Variants in LARGE1 observed in about 807,000 individuals in gnomAD.
The protein encoded by LARGE1 is LARGE xylosyl- and glucuronyltransferase 1.
Under a neutral mutation model 87.6 loss-of-function variants are expected in LARGE1, and 43 were observed. The observed-to-expected ratio is 0.49, with a 90% confidence interval of 0.38 to 0.63. The LOEUF (loss-of-function observed/expected upper bound fraction) is 0.63, where lower values mean the gene tolerates loss of function less well. LARGE1 is among the 30% of genes least tolerant of loss of function. LARGE1 has a pLI of 0.00. For missense variants in LARGE1, 802 were observed against 1,000.2 expected (o/e 0.80, Z 2.67); for synonymous variants, 434 against 394.6 (o/e 1.10, Z -1.18).
At chr22:33,625,450 G>T (rs572622730) in intron 4 of LARGE1, among the ~76,000 whole-genome samples, 45 of 152,300 alleles carry the variant, frequency 3.0e-4, no homozygotes, top group Non-Finnish European at 6.0e-4. Flanking sequence ...TCCCATGGGG[G>T]TCCACGAGAG....
At chr22:33,492,356 T>C (rs1369749388) in intron 6 of LARGE1, among the ~76,000 whole-genome samples, 1 of 152,172 alleles carries the variant, frequency 6.6e-6, no homozygotes, top group African/African-American at 2.4e-5. Context: ...AGTGACACTT[T>C]TGCGTCTTTC....
chr22:33,696,607 C>T (rs1350058053), intron 2 of LARGE1, among the ~76,000 whole-genome samples: 1 of 152,218 alleles, frequency 6.6e-6, no homozygotes, highest in South Asian at 2.1e-4. Context: ...CATTTATATT[C>T]CCACCAGTAA....
At chr22:33,553,396 G>A (rs973224173) in intron 6 of LARGE1, among the ~76,000 whole-genome samples, 2 of 152,014 alleles carry the variant, frequency 1.3e-5, no homozygotes, top group African/African-American at 4.8e-5. Context: ...CATGCCTACA[G>A]TCCCAACTAC....
chr22:33,144,017 T>C, the LARGE1 span, among the ~76,000 whole-genome samples: 1 of 152,224 alleles, frequency 6.6e-6, no homozygotes, highest in African/African-American at 2.4e-5. Flanking sequence ...TGTATTTTGT[T>C]TGACTATCCG....
At chr22:33,395,709 C>T (rs1411161914) in intron 7 of LARGE1, among the ~76,000 whole-genome samples, 1 of 152,098 alleles carries the variant, frequency 6.6e-6, no homozygotes, top group Non-Finnish European at 1.5e-5. Flanking sequence ...CTGGATGACT[C>T]CTTTGAATGA....
At chr22:33,836,027 T>C (rs1055796356) in intron 1 of LARGE1, among the ~76,000 whole-genome samples, 1 of 152,234 alleles carries the variant, frequency 6.6e-6, no homozygotes, top group African/African-American at 2.4e-5. Context: ...TCTGTGTGCA[T>C]ACATGTACAC....
intron 3 of LARGE1, among the ~76,000 whole-genome samples, chr22:33,646,466 G>A (rs577864318): frequency 6.6e-6 from 1 of 152,124 alleles, no homozygotes; most frequent in East Asian, 1.9e-4. Context: ...AGAGCACTAG[G>A]ACAAATACCT....
the LARGE1 span, among the ~76,000 whole-genome samples, chr22:33,155,196 CA>C: frequency 6.6e-6 from 1 of 152,082 alleles, no homozygotes; most frequent in Non-Finnish European, 1.5e-5. Context: ...AAAAGATACC[CA>C]AAAATGTGGA....
intron 3 of LARGE1, among the ~76,000 whole-genome samples, chr22:33,635,685 G>C (rs758078055): frequency 3.3e-5 from 5 of 152,128 alleles, no homozygotes; most frequent in African/African-American, 7.2e-5. Context: ...ACAAAGTGAC[G>C]GGTTGAATTC....
intron 1 of LARGE1, among the ~76,000 whole-genome samples, chr22:33,913,328 G>A (rs2065691205): frequency 6.6e-6 from 1 of 152,184 alleles, no homozygotes; most frequent in East Asian, 1.9e-4. Context: ...ACTTATGAAG[G>A]TGGGTAGGTG....
the LARGE1 span, among the ~76,000 whole-genome samples, chr22:33,071,077 C>T: frequency 3.3e-5 from 5 of 152,146 alleles, no homozygotes; most frequent in African/African-American, 1.2e-4. Context: ...TGAACGCTAC[C>T]TCCTACCCTT....
At chr22:33,473,630 A>C (rs1003281481) in intron 6 of LARGE1, among the ~76,000 whole-genome samples, 1 of 152,150 alleles carries the variant, frequency 6.6e-6, no homozygotes, top group African/African-American at 2.4e-5. Context: ...TTTTTAGTAG[A>C]GGTGGGGTTT....
At chr22:33,144,087 G>A in the LARGE1 span, among the ~76,000 whole-genome samples, 1 of 151,870 alleles carries the variant, frequency 6.6e-6, no homozygotes, top group Admixed American at 6.6e-5. Context: ...CTTGTCCTAT[G>A]TCTGTTTCAA....
At chr22:33,373,771 G>A (rs527330781) in intron 9 of LARGE1, among the ~76,000 whole-genome samples, 19 of 151,910 alleles carry the variant, frequency 1.3e-4, no homozygotes, top group African/African-American at 4.3e-4. Context: ...TCAGGAGATC[G>A]AGACCATCCT....
At chr22:33,107,177 T>C in the LARGE1 span, among the ~76,000 whole-genome samples, 1 of 152,240 alleles carries the variant, frequency 6.6e-6, no homozygotes, top group South Asian at 2.1e-4. Context: ...TTCCAAAATG[T>C]CTTTCAAACA....
At chr22:33,095,279 T>C in the LARGE1 span, among the ~76,000 whole-genome samples, 4 of 152,226 alleles carry the variant, frequency 2.6e-5, no homozygotes, top group East Asian at 3.8e-4. Flanking sequence ...GGAAGGATCC[T>C]TTCTGCTTCT....
At chr22:33,405,936 T>TAA (rs1465779177) in intron 7 of LARGE1, among the ~76,000 whole-genome samples, 14 of 152,062 alleles carry the variant, frequency 9.2e-5, no homozygotes, top group African/African-American at 3.4e-4. Flanking sequence ...AAAATCAGAG[T>TAA]CTGGAATCTT....
chr22:33,886,366 T>G (rs2064845370), intron 1 of LARGE1, among the ~76,000 whole-genome samples: 1 of 152,194 alleles, frequency 6.6e-6, no homozygotes, highest in African/African-American at 2.4e-5. Flanking sequence ...TAAACTGTTT[T>G]TATTCCTATG....
chr22:33,695,108 CT>C (rs71320988), intron 2 of LARGE1, among the ~76,000 whole-genome samples: 198 of 140,006 alleles, frequency 1.4e-3, no homozygotes, highest in Middle Eastern at 7.4e-3. Context: ...TTCTTTCTTT[CT>C]TTTTTTTTTT....
Sources: allele counts gnomAD v4.1 joint callset (sites outside exome capture counted in the v4.1 genomes callset), GRCh38; gene constraint gnomAD v4.1.1; transcripts MANE v1.5; gene names NCBI Gene and HGNC (gene_info 2026-07-23, HGNC 2026-07-21).